ZNF875: variants seen among roughly 807,000 people sequenced by gnomAD.
ZNF875 encodes HKR1, GLI-Kruppel zinc finger family member.
A neutral mutation model predicts 11.2 loss-of-function variants in ZNF875; 14 were observed. The observed-to-expected ratio is 1.26, with a 90% CI of 0.83 to 1.96. The LOEUF (loss-of-function observed/expected upper bound fraction) is 1.96. Among genes scored for constraint, ZNF875 ranks in the 30% most tolerant of loss-of-function variants. The pLI is 0.00. For synonymous variants in ZNF875, 301 were observed against 281.1 expected (o/e 1.07, Z -0.71); for missense variants, 752 against 760.4 (o/e 0.99, Z 0.13).
intron 2 of ZNF875, among the ~76,000 whole-genome samples, chr19:37,322,815 C>T (rs1340768442): frequency 6.6e-6 from 1 of 152,176 alleles, no homozygotes; most frequent in Non-Finnish European, 1.5e-5. Context: ...CAGCCTCTTC[C>T]TCTGCTTTCT....
chr19:37,317,179 G>GTTTTTTTTTTTTTTTT (rs774349345), upstream of ZNF875: 1 of 59,018 alleles, frequency 1.7e-5, no homozygotes, highest in Non-Finnish European at 2.8e-5. Context: ...TACTAACCTG[G>GTTTTTTTTTTTTTTTT]TTTTTTTTTT....
chr19:37,355,480 C>T (rs2038742477), intron 4 of ZNF875, among the ~76,000 whole-genome samples: 1 of 152,096 alleles, frequency 6.6e-6, no homozygotes, highest in Non-Finnish European at 1.5e-5. Flanking sequence ...GAGCCACCAC[C>T]CCCGGCCTGT....
At chr19:37,357,167 T>C (rs2039055436) in intron 4 of ZNF875, among the ~76,000 whole-genome samples, 1 of 152,208 alleles carries the variant, frequency 6.6e-6, no homozygotes, top group Non-Finnish European at 1.5e-5. Flanking sequence ...CTCTGTTCTG[T>C]TCCGTAGATC....
chr19:37,327,305 TC>T (rs999233949), intron 4 of ZNF875, among the ~76,000 whole-genome samples: 2 of 152,150 alleles, frequency 1.3e-5, no homozygotes, highest in Non-Finnish European at 2.9e-5. Flanking sequence ...GAAACTTATT[TC>T]AAAAGGTGTG....
At chr19:37,324,595 A>G (rs1348237973) in intron 4 of ZNF875, among the ~76,000 whole-genome samples, 1 of 152,166 alleles carries the variant, frequency 6.6e-6, no homozygotes, top group Non-Finnish European at 1.5e-5. Flanking sequence ...TGCTTGTGAA[A>G]CGCTATAAAA....
chr19:37,325,638 T>C (rs1032597510), intron 4 of ZNF875, among the ~76,000 whole-genome samples: 1 of 151,916 alleles, frequency 6.6e-6, no homozygotes, highest in Non-Finnish European at 1.5e-5. Context: ...CTCAAACTCC[T>C]GGGCTCAAGA....
intron 4 of ZNF875, 69 bp downstream of exon 4, chr19:37,347,941 CAG>C (rs1231590039): frequency 9.5e-5 from 86 of 902,794 alleles, no homozygotes; most frequent in South Asian, 8.9e-4. Context: ...AGGCATCTCT[CAG>C]ATACTGGGAA....
upstream of ZNF875, among the ~76,000 whole-genome samples, chr19:37,330,342 G>C (rs2033184609): frequency 6.6e-6 from 1 of 152,132 alleles, no homozygotes; most frequent in Non-Finnish European, 1.5e-5. Context: ...CTCAACACTT[G>C]ACTTTCCCTC....
upstream of ZNF875, among the ~76,000 whole-genome samples, chr19:37,329,725 T>A (rs1268665794): frequency 2.0e-5 from 3 of 152,146 alleles, no homozygotes; most frequent in African/African-American, 7.2e-5. Context: ...TTATGTTTCC[T>A]CAGTGGTTTT....
chr19:37,320,045 G>A (rs770989249), intron 1 of ZNF875, among the ~76,000 whole-genome samples: 3 of 151,954 alleles, frequency 2.0e-5, no homozygotes, highest in Non-Finnish European at 2.9e-5. Flanking sequence ...CCGCCACCAC[G>A]CCCAGCTAAT....
At chr19:37,321,835 T>C (rs1399523815) in intron 1 of ZNF875, among the ~76,000 whole-genome samples, 1 of 152,112 alleles carries the variant, frequency 6.6e-6, no homozygotes, top group Admixed American at 6.5e-5. Flanking sequence ...TGGCAAGAAA[T>C]GTTGAGCCAT....
At chr19:37,325,164 C>G (rs754295986) in intron 4 of ZNF875, 1 of 152,208 alleles carries the variant, frequency 6.6e-6, no homozygotes, top group Admixed American at 6.5e-5. Flanking sequence ...CTGAATAGTT[C>G]TGTATGTCAG....
At chr19:37,332,467 T>C (rs1023513093), upstream of ZNF875, among the ~76,000 whole-genome samples, 2 of 152,204 alleles carry the variant, frequency 1.3e-5, no homozygotes, top group African/African-American at 2.4e-5. Flanking sequence ...TCTGCCCACC[T>C]TGGCCTCCCA....
rs1391607880 is a variant in ZNF875, at chr19:37,340,110, G to A, written c.33+4853G>A. 2.6e-5 allele frequency among the ~76,000 whole-genome samples: 4 copies of A among 152,080 alleles called. No individual in the cohort carries two copies. The East Asian group carries it at 5.8e-4, about 22-fold the overall frequency. On this transcript the variant is annotated intron_variant, in intron 2 of 4. Coordinates refer to ENST00000392153, the MANE Select transcript of ZNF875 (RefSeq NM_001353803.2). ...TGATTCTCCTGCCTCAGCCTCCCAAGTAGCTGGAATTACAGGCATGTGCCA... is the reference window on the plus strand; with the variant it reads ...TGATTCTCCTGCCTCAGCCTCCCAAATAGCTGGAATTACAGGCATGTGCCA...
At chr19:37,332,922 G>A (rs189675434), upstream of ZNF875, among the ~76,000 whole-genome samples, 179 of 152,246 alleles carry the variant, frequency 1.2e-3, no homozygotes, top group Non-Finnish European at 2.6e-4. Flanking sequence ...GGTAACTCAG[G>A]TGAGAGTGTA....
chr19:37,358,229 C>G (rs1367811610), intron 4 of ZNF875, among the ~76,000 whole-genome samples: 2 of 146,876 alleles, frequency 1.4e-5, no homozygotes, highest in Non-Finnish European at 3.0e-5. Flanking sequence ...ACTGCAAGCT[C>G]CGTCTCCCAG....
At chr19:37,331,804 ACC>A (rs1216514178), upstream of ZNF875, among the ~76,000 whole-genome samples, 5 of 126,530 alleles carry the variant, frequency 4.0e-5, no homozygotes, top group Admixed American at 3.4e-4. Flanking sequence ...CCAGCCCGAC[ACC>A]CCCAGCCCGA....
intron 2 of ZNF875, among the ~76,000 whole-genome samples, chr19:37,336,099 A>G (rs1467362102): frequency 6.6e-6 from 1 of 152,138 alleles, no homozygotes; most frequent in East Asian, 1.9e-4. Flanking sequence ...CAGGGACAGC[A>G]CAGATGCCTG....
intron 4 of ZNF875, among the ~76,000 whole-genome samples, chr19:37,361,424 ACTT>A (rs1483063644): frequency 5.9e-5 from 9 of 151,918 alleles, no homozygotes; most frequent in South Asian, 2.1e-4. Context: ...AATATTTGCC[ACTT>A]CTTCTTTCTT....
Sources: gnomAD v4.1 joint callset for allele counts (sites outside exome capture counted in the v4.1 genomes callset) on GRCh38, gnomAD v4.1.1 for gene constraint, MANE v1.5 for transcripts, NCBI Gene and HGNC (gene_info 2026-07-23, HGNC 2026-07-21) for gene names.